ADGRL3: variants seen among roughly 807,000 people sequenced by gnomAD.
The protein encoded by ADGRL3 is calcium-independent alpha-latrotoxin receptor 3.
ADGRL3 carries 62 observed loss-of-function variants against 153.5 expected under a neutral mutation model. The observed-to-expected ratio is 0.40, with a 90% CI of 0.33 to 0.50. The LOEUF is 0.50. ADGRL3 is among the 20% of genes least tolerant of loss of function. ADGRL3 has a pLI of 0.47. For missense variants in ADGRL3, 1,641 were observed against 1,859.4 expected (o/e 0.88, Z 2.16); for synonymous variants, 710 against 672.5 (o/e 1.06, Z -0.86).
chr4:61,345,325 T>A (rs1473992442), intron 1 of ADGRL3, among the ~76,000 whole-genome samples: 1 of 152,232 alleles, frequency 6.6e-6, no homozygotes, highest in East Asian at 1.9e-4. Flanking sequence ...GTAGTGCAAT[T>A]TTTCAACTGT....
chr4:62,028,440 A>G (rs28626812), intron 21 of ADGRL3, among the ~76,000 whole-genome samples: 3,962 of 151,878 alleles, frequency 0.026, 179 homozygotes, highest in African/African-American at 0.092. Flanking sequence ...AAGTAATCTT[A>G]CCTACTAATA....
chr4:61,983,573 T>C lies in ADGRL3; in HGVS notation c.3206T>C (p.Val1069Ala). 6.2e-7 allele frequency: 1 copy of C among 1,613,904 alleles called. No homozygotes were observed. Among genetic ancestry groups the C allele is most frequent in the Non-Finnish European group, 8.5e-7 (1 of 1,179,800 alleles). The change falls in exon 19 of 27, where the codon GTA (valine) becomes GCA (alanine). Residue 1069 changes from valine (V) to alanine (A), a missense_variant. This residue lies in a region of ADGRL3 where 32 missense variants were observed against 66.2 expected (regional missense o/e 0.48). Transcript: ENST00000683033. ...PALIVAVSAA[V>A]DYRSYGTDKV... The stretch of plus-strand genomic sequence containing the variant: ...CTCATTGTGGCTGTGTCAGCTGCAG[T>C]AGACTACAGGAGTTATGGAACAGAT...
intron 8 of ADGRL3, among the ~76,000 whole-genome samples, chr4:61,735,927 C>T (rs923309498): frequency 4.2e-4 from 64 of 151,950 alleles, no homozygotes; most frequent in Non-Finnish European, 7.4e-5. Context: ...TTGTCTTTAA[C>T]GAATAAGATG....
chr4:61,314,251 C>T (rs1178450429), intron 1 of ADGRL3, among the ~76,000 whole-genome samples: 2 of 151,046 alleles, frequency 1.3e-5, no homozygotes, highest in Non-Finnish European at 2.9e-5. Flanking sequence ...CTCTTGTTGC[C>T]CAGGCTAGAG....
chr4:61,957,729 C>G (rs940001753), intron 17 of ADGRL3, among the ~76,000 whole-genome samples: 3 of 150,890 alleles, frequency 2.0e-5, no homozygotes, highest in Non-Finnish European at 3.0e-5. Flanking sequence ...ACAAATAAAA[C>G]TAGTTAAAGC....
At chr4:61,235,069 T>A (rs549253605) in intron 1 of ADGRL3, among the ~76,000 whole-genome samples, 1 of 152,152 alleles carries the variant, frequency 6.6e-6, no homozygotes, top group Non-Finnish European at 1.5e-5. Flanking sequence ...CTTGTGCACA[T>A]GTAGATAACA....
intron 9 of ADGRL3, among the ~76,000 whole-genome samples, chr4:61,868,435 A>C (rs1057406131): frequency 6.6e-6 from 1 of 152,118 alleles, no homozygotes; most frequent in African/African-American, 2.4e-5. Flanking sequence ...CCAGATCTAC[A>C]TATCTAGCCC....
chr4:61,621,419 T>A (rs1187898285), intron 5 of ADGRL3, among the ~76,000 whole-genome samples: 2 of 152,168 alleles, frequency 1.3e-5, no homozygotes, highest in African/African-American at 2.4e-5. Context: ...GTATACAGTA[T>A]CCTTGCTGCA....
intron 2 of ADGRL3, among the ~76,000 whole-genome samples, chr4:61,400,528 G>A (rs957285894): frequency 6.6e-6 from 1 of 151,808 alleles, no homozygotes; most frequent in African/African-American, 2.4e-5. Context: ...GGGATTCCCT[G>A]TGAATAACTG....
intron 6 of ADGRL3, among the ~76,000 whole-genome samples, chr4:61,688,592 C>A (rs2095487185): frequency 6.6e-6 from 1 of 152,114 alleles, no homozygotes; most frequent in Non-Finnish European, 1.5e-5. Context: ...AATTAATACA[C>A]CTATTGCATG....
intron 5 of ADGRL3, among the ~76,000 whole-genome samples, chr4:61,661,518 G>A (rs1486845667): frequency 6.6e-6 from 1 of 151,952 alleles, no homozygotes; most frequent in African/African-American, 2.4e-5. Context: ...TACATAGTAG[G>A]TATTCATACA....
chr4:62,066,434 G>A (rs532486762), intron 25 of ADGRL3, among the ~76,000 whole-genome samples: 2 of 152,100 alleles, frequency 1.3e-5, no homozygotes, highest in South Asian at 4.2e-4. Context: ...TGTTACTGAG[G>A]CATACAGAAT....
chr4:61,801,819 T>C (rs2097501095), intron 8 of ADGRL3, among the ~76,000 whole-genome samples: 1 of 152,136 alleles, frequency 6.6e-6, no homozygotes, highest in South Asian at 2.1e-4. Flanking sequence ...ACCTCAAACA[T>C]TTTGAATTTT....
intron 2 of ADGRL3, among the ~76,000 whole-genome samples, chr4:61,493,866 T>C (rs1187543065): frequency 6.6e-6 from 1 of 152,246 alleles, no homozygotes; most frequent in Non-Finnish European, 1.5e-5. Context: ...AGAGCACTAA[T>C]GTTGAAGTAA....
At chr4:61,785,142 A>C (rs1198570698) in intron 8 of ADGRL3, among the ~76,000 whole-genome samples, 1 of 152,126 alleles carries the variant, frequency 6.6e-6, no homozygotes, top group Admixed American at 6.6e-5. Context: ...TAGGAGGGAG[A>C]TTAAGAGAGA....
At chr4:61,978,102 C>T (rs1452349032) in intron 17 of ADGRL3, among the ~76,000 whole-genome samples, 1 of 152,130 alleles carries the variant, frequency 6.6e-6, no homozygotes, top group Non-Finnish European at 1.5e-5. Context: ...TGGAAGCCAA[C>T]TAAATGTGGC....
intron 2 of ADGRL3, among the ~76,000 whole-genome samples, chr4:61,495,918 A>G (rs1268359295): frequency 6.6e-6 from 1 of 152,196 alleles, no homozygotes; most frequent in Non-Finnish European, 1.5e-5. Context: ...TTTAGTTTGT[A>G]TCTATATGCT....
intron 9 of ADGRL3, among the ~76,000 whole-genome samples, chr4:61,858,897 G>A (rs1203605170): frequency 6.6e-6 from 1 of 152,120 alleles, no homozygotes. Context: ...AGCTGTGGCT[G>A]TGAATGCAAT....
chr4:61,355,347 T>G (rs1181422495), intron 1 of ADGRL3, among the ~76,000 whole-genome samples: 1 of 152,118 alleles, frequency 6.6e-6, no homozygotes, highest in Non-Finnish European at 1.5e-5. Flanking sequence ...GCAATATATC[T>G]TATTCTCAGA....
Sources: allele counts gnomAD v4.1 joint callset (sites outside exome capture counted in the v4.1 genomes callset), GRCh38; gene constraint gnomAD v4.1.1; regional missense constraint gnomAD v4.1.1; transcripts MANE v1.5; gene names NCBI Gene and HGNC (gene_info 2026-07-23, HGNC 2026-07-21).